STK32B: variants seen among roughly 807,000 people sequenced by gnomAD.
STK32B encodes serine/threonine kinase 32B.
In STK32B, 43 loss-of-function variants were observed where a neutral mutation model predicts 52.6. The observed-to-expected ratio is 0.82, with a 90% CI of 0.64 to 1.05. STK32B has a LOEUF of 1.05. Ranked by LOEUF, STK32B falls within the 50% of genes least tolerant of loss-of-function variation. The pLI is 0.00. For synonymous variants in STK32B, 238 were observed against 204.3 expected (o/e 1.17, Z -1.41); for missense variants, 621 against 534.6 (o/e 1.16, Z -1.59).
Position 5,500,835 on chromosome 4 carries a change from A to C in STK32B, c.*1752A>C, listed in dbSNP as rs551026705. ...AAATAAGGGGCCTGCTCCTCTCCCT[A>C]CTGTGACCCTGGAGGCTCTTAAGAT... On this transcript the variant is annotated 3_prime_UTR_variant, in exon 12 of 12. Coordinates refer to ENST00000282908, the MANE Select transcript of STK32B (RefSeq NM_018401.3). The C allele has an allele frequency of 6.6e-6, 1 of 152,028 alleles. No individual in the cohort carries two copies. The highest frequency in any genetic ancestry group is 2.4e-5 in the African/African-American group (1 of 41,380). 9.4% of individuals were successfully genotyped at this position (152,028 alleles called of 1,614,324 possible).
At chr4:5,384,565 TG>T (rs1259835754) in intron 4 of STK32B, among the ~76,000 whole-genome samples, 4 of 152,112 alleles carry the variant, frequency 2.6e-5, no homozygotes, top group African/African-American at 9.7e-5. Flanking sequence ...TGTATTTTTC[TG>T]CAGCCACGTT....
intron 3 of STK32B, among the ~76,000 whole-genome samples, chr4:5,241,662 G>A (rs1046001683): frequency 6.6e-6 from 1 of 151,782 alleles, no homozygotes; most frequent in East Asian, 1.9e-4. Flanking sequence ...TGCCATGTTG[G>A]TGTGCTGCAC....
intron 4 of STK32B, among the ~76,000 whole-genome samples, chr4:5,354,913 G>A (rs1734073144): frequency 6.6e-6 from 1 of 152,148 alleles, no homozygotes; most frequent in Admixed American, 6.5e-5. Flanking sequence ...TGCAACATGA[G>A]AAAGACTCAA....
At chr4:5,375,106 T>A (rs533507478) in intron 4 of STK32B, among the ~76,000 whole-genome samples, 15 of 152,176 alleles carry the variant, frequency 9.9e-5, no homozygotes, top group African/African-American at 3.6e-4. Flanking sequence ...CCCCTGGTGG[T>A]CTCACCATCT....
chr4:5,162,333 A>C (rs1424058757), intron 2 of STK32B, among the ~76,000 whole-genome samples: 1 of 152,190 alleles, frequency 6.6e-6, no homozygotes, highest in Non-Finnish European at 1.5e-5. Context: ...CATCTAAAAA[A>C]ATACAAAATC....
chr4:5,380,959 C>T lies in STK32B; in HGVS notation c.435-17248C>T. Among the ~76,000 whole-genome samples, 1 of 152,176 alleles carries T rather than the reference C, an allele frequency of 6.6e-6. No individual in the cohort carries two copies. The highest frequency in any genetic ancestry group is 1.9e-4 in the East Asian group (1 of 5,184). ...CAGCAGCCCACCCGTCCTCCCAACT[C>T]TCTGGCCCACCGCCTGGGAAGCAAT... On this transcript the variant is annotated intron_variant, in intron 4 of 11. Coordinates refer to ENST00000282908, the MANE Select transcript of STK32B (RefSeq NM_018401.3). This position sits in a 1 kb window ranked among gnomAD's most constrained non-coding sequence, Gnocchi z 4.3.
chr4:5,029,251 G>C, the STK32B span, among the ~76,000 whole-genome samples: 1 of 152,176 alleles, frequency 6.6e-6, no homozygotes, highest in Admixed American at 6.5e-5. Flanking sequence ...CCTGTGGTTA[G>C]GTTAGTTACA....
intron 4 of STK32B, among the ~76,000 whole-genome samples, chr4:5,370,383 A>G (rs1438620687): frequency 1.3e-5 from 2 of 152,212 alleles, no homozygotes; most frequent in Non-Finnish European, 2.9e-5. Flanking sequence ...CTTTGGAGAG[A>G]GGTAAATCCT....
rs146714828 is a variant in STK32B at position 5,121,420 on chromosome 4, C to T, written c.53-18485C>T. On this transcript the variant is annotated intron_variant, in intron 1 of 11. Transcript: ENST00000282908. ...GTCCCACAACGACCCTGTTATATAG[C>T]TGTTGTTATGATTCTTCTATTAAGG... Among the ~76,000 whole-genome samples, 825 of 152,242 alleles carry T rather than the reference C, an allele frequency of 5.4e-3. 9 individuals are homozygous for T. The highest frequency in any genetic ancestry group is 0.019 in the African/African-American group (799 of 41,534).
Position 5,399,439 on chromosome 4 carries a change from G to A in STK32B, c.472+1195G>A, listed in dbSNP as rs1261719164. ...CCCTATGTACAGGAGTGGTGGATGGGACCATTTGCATCTCTGCATCAGATG... is the reference window on the plus strand; with the variant it reads ...CCCTATGTACAGGAGTGGTGGATGGAACCATTTGCATCTCTGCATCAGATG... On this transcript the variant is annotated intron_variant, in intron 5 of 11. Transcript: ENST00000282908. This position sits in a 1 kb window ranked among gnomAD's most constrained non-coding sequence, Gnocchi z 5.4. Among the ~76,000 whole-genome samples, 2 of 152,146 alleles carry A rather than the reference G, an allele frequency of 1.3e-5. No individual in the cohort carries two copies. The highest frequency in any genetic ancestry group is 2.9e-5 in the Non-Finnish European group (2 of 68,026).
chr4:5,439,566 T>C (rs1469192287), intron 6 of STK32B, among the ~76,000 whole-genome samples: 15 of 151,508 alleles, frequency 9.9e-5, no homozygotes, highest in Non-Finnish European at 8.8e-5. Flanking sequence ...CTGTTCACTC[T>C]GATGGTAGTT....
Position 5,460,594 on chromosome 4 carries a change from C to T in STK32B, c.909+366C>T, listed in dbSNP as rs1460015363. On this transcript the variant is annotated intron_variant, in intron 9 of 11. Transcript: ENST00000282908. The surrounding 1 kb of genome is among the most constrained non-coding windows in gnomAD (Gnocchi z 4.8). ...TGACCTACCCCGACAGGGCAGTCAG[C>T]ACTTGTTGCACAAGCTCGGAAGAGG... Among the ~76,000 whole-genome samples the T allele has an allele frequency of 1.3e-5, 2 of 152,130 alleles. No individual in the cohort carries two copies. The highest frequency in any genetic ancestry group is 2.4e-5 in the African/African-American group (1 of 41,430).
At chr4:5,105,312 T>C (rs1293414253) in intron 1 of STK32B, among the ~76,000 whole-genome samples, 2 of 152,146 alleles carry the variant, frequency 1.3e-5, no homozygotes, top group Non-Finnish European at 2.9e-5. Context: ...TCTACAAAAA[T>C]AAAAACTGAA....
chr4:5,382,808 C>T (rs1330092542), intron 4 of STK32B, among the ~76,000 whole-genome samples: 1 of 152,198 alleles, frequency 6.6e-6, no homozygotes, highest in African/African-American at 2.4e-5. Context: ...TTAATTCTCA[C>T]AACAGCCGTT....
chr4:5,170,219 T>C (rs550896516), intron 3 of STK32B, among the ~76,000 whole-genome samples: 285 of 152,336 alleles, frequency 1.9e-3, no homozygotes, highest in Middle Eastern at 3.4e-3. Flanking sequence ...ACTAAGAAGA[T>C]CAGATGCCTA....
In STK32B at chr4:5,378,441, G is replaced by T. The variant is rs183973268; in HGVS notation, c.435-19766G>T. On this transcript the variant is annotated intron_variant, in intron 4 of 11. Transcript: ENST00000282908. The surrounding 1 kb of genome is among the most constrained non-coding windows in gnomAD (Gnocchi z 4.4). ...TTATTTTATTTTTTTCCTTTATGACGTGAGTTAAATCATTTACAATTATCA... is the reference window on the plus strand; with the variant it reads ...TTATTTTATTTTTTTCCTTTATGACTTGAGTTAAATCATTTACAATTATCA... Among the ~76,000 whole-genome samples, 2 of 152,234 alleles carry T rather than the reference G, an allele frequency of 1.3e-5. No homozygotes were observed. The highest frequency in any genetic ancestry group is 3.4e-3 in the Middle Eastern group (1 of 294).
At chr4:5,208,423 T>C (rs1477261015) in intron 3 of STK32B, among the ~76,000 whole-genome samples, 1 of 152,222 alleles carries the variant, frequency 6.6e-6, no homozygotes, top group East Asian at 1.9e-4. Context: ...AAGTCTCATA[T>C]ATGATTTATT....
At chr4:5,300,050 A>G (rs1454779566) in intron 3 of STK32B, among the ~76,000 whole-genome samples, 1 of 152,190 alleles carries the variant, frequency 6.6e-6, no homozygotes, top group Non-Finnish European at 1.5e-5. Flanking sequence ...ATGAAGTACT[A>G]ACAAACCATA....
At chr4:5,123,816 G>GA (rs144205416) in intron 1 of STK32B, among the ~76,000 whole-genome samples, 2,672 of 150,374 alleles carry the variant, frequency 0.018, 84 homozygotes, top group African/African-American at 0.06. Flanking sequence ...GTTTTGGGGG[G>GA]ATACAATTTG....
Sources: gnomAD v4.1 joint callset for allele counts (sites outside exome capture counted in the v4.1 genomes callset) on GRCh38, gnomAD v4.1.1 for gene constraint, Gnocchi (gnomAD v3.1) non-coding constraint, MANE v1.5 for transcripts, NCBI Gene and HGNC (gene_info 2026-07-23, HGNC 2026-07-21) for gene names.